The following EGFR variants were observed in gnomAD, a reference collection of about 807,000 sequenced individuals.
EGFR encodes avian erythroblastic leukemia viral (v-erb-b) oncogene homolog.
Under a neutral mutation model 143.0 loss-of-function variants are expected in EGFR, and 58 were observed. The observed-to-expected ratio is 0.41, with a 90% CI of 0.33 to 0.50. The LOEUF (loss-of-function observed/expected upper bound fraction) is 0.50, where lower values mean the gene tolerates loss of function less well. EGFR is among the 20% of genes least tolerant of loss of function. EGFR has a pLI of 0.39. For synonymous variants in EGFR, 613 were observed against 594.4 expected (o/e 1.03, Z -0.45); for missense variants, 1,307 against 1,579.0 (o/e 0.83, Z 2.92).
chr7:55,202,840 T>C, intron 27 of EGFR: 1 of 688,936 alleles, frequency 1.5e-6, no homozygotes, highest in Non-Finnish European at 2.7e-6. Context: ...TTGCTGTACC[T>C]CTGTTGTAAG....
chr7:55,186,424 G>A (rs894902762), intron 20 of EGFR, among the ~76,000 whole-genome samples: 3 of 152,196 alleles, frequency 2.0e-5, no homozygotes, highest in Non-Finnish European at 4.4e-5. Context: ...GTGGCCCCAG[G>A]GTGGTGACTC....
At chr7:55,055,081 C>T (rs2128876185) in intron 1 of EGFR, among the ~76,000 whole-genome samples, 2 of 152,128 alleles carry the variant, frequency 1.3e-5, no homozygotes, top group East Asian at 1.9e-4. Flanking sequence ...TGACTTCATC[C>T]ATCCTGTCTT....
intron 7 of EGFR, among the ~76,000 whole-genome samples, chr7:55,154,466 C>T (rs1447618092): frequency 6.6e-6 from 1 of 152,216 alleles, no homozygotes; most frequent in Non-Finnish European, 1.5e-5. Context: ...CAGCCACAGC[C>T]GTGGGTATTC....
chr7:55,147,623 C>A (rs1465968438), intron 4 of EGFR, among the ~76,000 whole-genome samples: 1 of 152,072 alleles, frequency 6.6e-6, no homozygotes, highest in Non-Finnish European at 1.5e-5. Flanking sequence ...TGATGAAATG[C>A]CCGTAATACA....
At chr7:55,121,894 G>T (rs769022232) in intron 1 of EGFR, among the ~76,000 whole-genome samples, 1 of 152,194 alleles carries the variant, frequency 6.6e-6, no homozygotes, top group African/African-American at 2.4e-5. Context: ...CCCATGTGGG[G>T]CCTGTTCTTC....
chr7:55,109,999 G>C, intron 1 of EGFR: 1 of 959,838 alleles, frequency 1.0e-6, no homozygotes, highest in African/African-American at 1.8e-5. Flanking sequence ...AAAAATGTGA[G>C]AGATAACAGC....
intron 1 of EGFR, among the ~76,000 whole-genome samples, chr7:55,055,009 C>T (rs1223848752): frequency 6.6e-6 from 1 of 152,232 alleles, no homozygotes; most frequent in Non-Finnish European, 1.5e-5. Flanking sequence ...TTCACAGCGG[C>T]ACCTGAGTCA....
intron 1 of EGFR, among the ~76,000 whole-genome samples, chr7:55,058,092 T>C (rs1788936536): frequency 6.6e-6 from 1 of 152,206 alleles, no homozygotes; most frequent in East Asian, 1.9e-4. Flanking sequence ...GGAATAGAAA[T>C]CATTCTATTA....
At chr7:55,108,803 CA>C (rs1792291212) in intron 1 of EGFR, among the ~76,000 whole-genome samples, 1 of 152,154 alleles carries the variant, frequency 6.6e-6, no homozygotes. Context: ...GAATAAGAGG[CA>C]ATGGATGGGT....
intron 27 of EGFR, among the ~76,000 whole-genome samples, chr7:55,204,825 A>G (rs1008561725): frequency 6.8e-6 from 1 of 148,134 alleles, no homozygotes; most frequent in Admixed American, 6.7e-5. Flanking sequence ...ATATACACAC[A>G]CGTACACACA....
intron 1 of EGFR, among the ~76,000 whole-genome samples, chr7:55,131,170 C>A (rs1480801575): frequency 6.6e-6 from 1 of 152,080 alleles, no homozygotes; most frequent in Non-Finnish European, 1.5e-5. Context: ...GGGGTGGCAC[C>A]AGGATTCCAA....
intron 1 of EGFR, among the ~76,000 whole-genome samples, chr7:55,083,103 TA>T (rs1220047672): frequency 1.3e-5 from 2 of 152,198 alleles, no homozygotes; most frequent in Admixed American, 1.3e-4. Flanking sequence ...TCAACTCCAT[TA>T]CATCTTCAAA....
chr7:55,208,817 A>C lies in EGFR; in HGVS notation c.*3200A>C, dbSNP rs1322733005. ...TTAGCAGGAAAGGCACTGGTTCTCAAGGGCGGCTGCCCTTGGGAATCTTCT... is the reference window on the plus strand; with the variant it reads ...TTAGCAGGAAAGGCACTGGTTCTCACGGGCGGCTGCCCTTGGGAATCTTCT... On this transcript the variant is annotated 3_prime_UTR_variant, in exon 28 of 28. Transcript: ENST00000275493. 1 of 152,190 alleles carries C rather than the reference A, an allele frequency of 6.6e-6. No individual in the cohort carries two copies. The highest frequency in any genetic ancestry group is 1.5e-5 in the Non-Finnish European group (1 of 68,038). The allele number at this position is 152,190 out of a possible 1,614,324, so 9.4% of individuals were successfully genotyped here.
chr7:55,181,189 A>T (rs2128957974), intron 19 of EGFR, 104 bp from the exon 20 acceptor site: 2 of 1,365,708 alleles, frequency 1.5e-6, no homozygotes, highest in Non-Finnish European at 2.1e-6. Flanking sequence ...ACGTATTTTG[A>T]AACTCAAGAT....
intron 4 of EGFR, among the ~76,000 whole-genome samples, chr7:55,149,601 A>C (rs1274266076): frequency 6.6e-6 from 1 of 152,224 alleles, no homozygotes; most frequent in Admixed American, 6.5e-5. Context: ...CAAGCTTGGC[A>C]ATATGCCTGC....
At chr7:55,141,766 G>A (rs1327867600) in intron 1 of EGFR, among the ~76,000 whole-genome samples, 1 of 152,086 alleles carries the variant, frequency 6.6e-6, no homozygotes, top group African/African-American at 2.4e-5. Context: ...TTCATTGCAC[G>A]CACAACAATG....
chr7:55,145,928 T>C (rs768756993), intron 3 of EGFR, among the ~76,000 whole-genome samples: 1 of 152,110 alleles, frequency 6.6e-6, no homozygotes, highest in Non-Finnish European at 1.5e-5. Context: ...TACACATAAG[T>C]CATTCTGTCA....
Position 55,165,285 on chromosome 7 carries a change from A to T in EGFR, c.1728A>T (p.Pro576=), listed in dbSNP as rs538447477. The T allele has an allele frequency of 2.5e-6, 4 of 1,614,190 alleles. No homozygotes were observed. The Admixed American group carries it at 5.0e-5, about 20-fold the overall frequency. Residue 576 remains proline (P), a synonymous_variant, in exon 15 of 28, where the codon CCA becomes CCT. Transcript: ENST00000275493. Reference sequence around the variant, plus strand: ...TTTTCTCCACCTTGGTGCAGGGACCAGACAACTGTATCCAGTGTGCCCACT... The same window carrying T: ...TTTTCTCCACCTTGGTGCAGGGACCTGACAACTGTATCCAGTGTGCCCACT... ...AMNITCTGRG[P]DNCIQCAHYI...
chr7:55,035,299 A>T (rs1281072328), intron 1 of EGFR, among the ~76,000 whole-genome samples: 3 of 152,056 alleles, frequency 2.0e-5, no homozygotes, highest in African/African-American at 4.8e-5. Flanking sequence ...TAATATTTTG[A>T]TCTTATTTTT....
Sources: gnomAD v4.1 joint callset for allele counts (sites outside exome capture counted in the v4.1 genomes callset) on GRCh38, gnomAD v4.1.1 for gene constraint, MANE v1.5 for transcripts, NCBI Gene and HGNC (gene_info 2026-07-23, HGNC 2026-07-21) for gene names.